The following GLT8D1 variants were observed in gnomAD, a reference collection of about 807,000 sequenced individuals.
GLT8D1 encodes glycosyltransferase 8 domain containing 1.
GLT8D1 carries 41 observed loss-of-function variants against 46.2 expected under a neutral mutation model. The ratio of observed to expected loss-of-function variants is 0.89; its 90% confidence interval spans 0.69 to 1.15. The LOEUF is 1.15. GLT8D1 is among the 50% of genes most tolerant of loss of function. The probability of loss-of-function intolerance (pLI) is 0.00; values close to 1 mark genes in which losing one functional copy is unlikely to be tolerated. For missense variants in GLT8D1, 408 were observed against 449.3 expected, an observed-to-expected ratio of 0.91 and a Z score of 0.83; for synonymous variants, 150 against 154.2, an observed-to-expected ratio of 0.97 and a Z score of 0.20.
In GLT8D1 at chr3:52,695,915, G is replaced by C. The variant is rs750128092; in HGVS notation, c.645+13C>G. The C allele has an allele frequency of 1.4e-6, 2 of 1,449,412 alleles. No homozygotes were observed. The highest frequency in any genetic ancestry group is 3.4e-5 in the Admixed American group (2 of 59,598). The allele number at this position is 1,449,412 out of a possible 1,614,324, so 89.8% of individuals were successfully genotyped here. ...AATATTGTAGGAAGAGGGGTGTTTG[G>C]TAAGCAATTTACCTGGTTTCCTGCT... On this transcript the variant is annotated intron_variant, in intron 7 of 9. Transcript: ENST00000266014.
At position 52,695,071 on chromosome 3, in the gene GLT8D1, C is replaced by T. The variant is rs183844463; in HGVS notation, c.926-36G>A. On this transcript the variant is annotated intron_variant, in intron 9 of 9. Transcript: ENST00000266014. ...AGACAAAAATAGCCACATCGTTGCG[C>T]CATGTGAAATTGTGCAGAAAACTTA... is the stretch of plus-strand genomic sequence containing the variant. 998 of 1,532,718 alleles carry T rather than the reference C, an allele frequency of 6.5e-4. 1 individual carries two copies. Among genetic ancestry groups the T allele is most frequent in the Non-Finnish European group, 7.8e-4 (859 of 1,106,046 alleles). 94.9% of individuals were successfully genotyped at this position (1,532,718 alleles called of 1,614,324 possible).
chr3:52,695,634 A>AGAT (rs775684824), intron 7 of GLT8D1, 47 bp from the exon 8 acceptor site: 5 of 1,136,548 alleles, frequency 4.4e-6, no homozygotes, highest in African/African-American at 1.5e-5. Flanking sequence ...CAAACAAAAT[A>AGAT]GATACAATTT....
At chr3:52,695,069 C>A (rs556660951) in intron 9 of GLT8D1, 34 bp from the exon 10 acceptor site, 47 of 1,531,274 alleles carry the variant, frequency 3.1e-5, no homozygotes, top group Non-Finnish European at 1.4e-5. Flanking sequence ...CACATCGTTG[C>A]GCCATGTGAA....
Position 52,694,869 on chromosome 3 carries a change from A to ATATC in GLT8D1, c.1088_1091dup (p.Tyr364Ter), listed in dbSNP as rs1236941913. ...TTCACTTTATGTTTGAGATCTCGGT[A>ATATC]TATCTTCGGATTAGGTTGAATTTGC... On this transcript the variant is annotated stop_gained and frameshift_variant, in exon 10 of 10. Coordinates refer to ENST00000266014, the MANE Select transcript of GLT8D1 (RefSeq NM_018446.4). LOFTEE classifies it high-confidence loss of function. 1 of 1,611,344 alleles carries ATATC rather than the reference A, an allele frequency of 6.2e-7. No homozygotes were observed. Among genetic ancestry groups the ATATC allele is most frequent in the Non-Finnish European group, 8.5e-7 (1 of 1,177,448 alleles).
intron 4 of GLT8D1, 70 bp from the exon 5 acceptor site, chr3:52,696,729 A>G (rs997929426): frequency 2.3e-6 from 2 of 876,704 alleles, no homozygotes; most frequent in Non-Finnish European, 3.8e-6. Flanking sequence ...ATAATGCAAA[A>G]GAAACCCTAT....
At chr3:52,700,700 A>ATT (rs2097338616) in intron 1 of GLT8D1, 1 of 436,716 alleles carries the variant, frequency 2.3e-6, no homozygotes, top group Non-Finnish European at 4.1e-6. Context: ...TAAAAAACTT[A>ATT]AAAATAAGTT....
In GLT8D1 at chr3:52,697,755, T is replaced by C. The variant is rs866253875; in HGVS notation, c.295A>G (p.Ile99Val). 3.7e-6 allele frequency: 6 copies of C among 1,613,322 alleles called. No individual in the cohort carries two copies. The highest frequency in any genetic ancestry group is 1.3e-5 in the African/African-American group (1 of 74,916). ...TCTGCTGTATTGTTGAGAGTAACAATGTAGAAAATCACATTGGAGCGAGTG... is the reference window on the plus strand; with the variant it reads ...TCTGCTGTATTGTTGAGAGTAACAACGTAGAAAATCACATTGGAGCGAGTG... ...HNTRSNVIFY[I>V]VTLNNTADHL... is the part of the protein sequence containing the mutation. Residue 99 changes from isoleucine to valine, a missense_variant, in exon 4 of 10, where the codon ATT (isoleucine) becomes GTT (valine). Ile to Val is a conservative substitution (Grantham distance 29). Coordinates refer to ENST00000266014, the MANE Select transcript of GLT8D1 (RefSeq NM_018446.4).
At position 52,695,409 on chromosome 3, in the gene GLT8D1, T is replaced by C. The variant is rs2097332168; in HGVS notation, c.812+12A>G. The stretch of plus-strand genomic sequence containing the variant: ...CAACAGTTTTTCACAGCTAGGCCAG[T>C]TACATACTTACTCTACATTGAGTTT... On this transcript the variant is annotated intron_variant, in intron 8 of 9. Coordinates refer to ENST00000266014, the MANE Select transcript of GLT8D1 (RefSeq NM_018446.4). The C allele has an allele frequency of 5.0e-6, 8 of 1,611,274 alleles. No homozygotes were observed. In the East Asian group the frequency reaches 1.8e-4, roughly 36 times the overall value.
In GLT8D1 at chr3:52,696,541, C is replaced by G. The variant is rs1160715726; in HGVS notation, c.447+1G>C. ...TGCAAAGAAGGATGCATGGAACTCA[C>G]AGGTTTCATGGATTCCCCCTGGTCA... On this transcript the variant is annotated splice_donor_variant, in intron 5 of 9. Transcript: ENST00000266014. LOFTEE classifies it high-confidence loss of function. 6.8e-7 allele frequency: 1 copy of G among 1,474,322 alleles called. No individual in the cohort carries two copies. Among genetic ancestry groups the G allele is most frequent in the Non-Finnish European group, 9.5e-7 (1 of 1,052,778 alleles). 91.3% of individuals were successfully genotyped at this position (1,474,322 alleles called of 1,614,324 possible). A position where few individuals can be genotyped will look rare whatever the true frequency, so the allele number is the denominator to read the frequency against.
intron 7 of GLT8D1, 117 bp downstream of exon 7, chr3:52,695,811 G>T: frequency 1.5e-6 from 1 of 683,182 alleles, no homozygotes; most frequent in Non-Finnish European, 2.6e-6. Context: ...AAGCAGGCTT[G>T]AGTTTTGGGA....
At chr3:52,700,139 C>A in intron 3 of GLT8D1, 123 bp downstream of exon 3, 1 of 634,384 alleles carries the variant, frequency 1.6e-6, no homozygotes, top group Non-Finnish European at 2.8e-6. Flanking sequence ...AATATTCTGT[C>A]AGATCAAACC....
intron 1 of GLT8D1, among the ~76,000 whole-genome samples, chr3:52,704,540 CAAGA>C (rs1380508324): frequency 6.6e-6 from 1 of 150,616 alleles, no homozygotes; most frequent in Non-Finnish European, 1.5e-5. Context: ...TCAAACACAC[CAAGA>C]AATACAGAGC....
chr3:52,700,676 G>T, intron 1 of GLT8D1, 180 bp from the exon 2 acceptor site: 1 of 466,556 alleles, frequency 2.1e-6, no homozygotes, highest in Non-Finnish European at 3.8e-6. Context: ...TGAAATTTTT[G>T]TGGTACTCAT....
chr3:52,695,073 A>G (rs1285985408), intron 9 of GLT8D1, 38 bp from the exon 10 acceptor site: 3 of 1,528,118 alleles, frequency 2.0e-6, no homozygotes, highest in East Asian at 2.2e-5. Flanking sequence ...TCGTTGCGCC[A>G]TGTGAAATTG....
chr3:52,695,355 T>G, intron 8 of GLT8D1, 53 bp from the exon 9 acceptor site: 1 of 1,551,250 alleles, frequency 6.4e-7, no homozygotes, highest in South Asian at 1.1e-5. Context: ...GACTAACTCC[T>G]GTTAGTCAAG....
intron 1 of GLT8D1, among the ~76,000 whole-genome samples, chr3:52,701,671 A>G (rs989765704): frequency 2.0e-5 from 3 of 152,124 alleles, no homozygotes; most frequent in African/African-American, 7.2e-5. Flanking sequence ...CCGGCCAAAA[A>G]AACATTTAAG....
rs2097332200 is a variant in GLT8D1 at position 52,695,420 on chromosome 3, C to CG, written c.812_812+1insC (p.Glu271AspfsTer6). The CG allele has an allele frequency of 4.3e-6, 7 of 1,612,770 alleles. No individual in the cohort carries two copies. The African/African-American group carries it at 9.3e-5, about 22-fold the overall frequency. ...CACAGCTAGGCCAGTTACATACTTA[C>CG]TCTACATTGAGTTTCATCCATTTTT... On this transcript the variant is annotated frameshift_variant and splice_region_variant. Transcript: ENST00000266014. LOFTEE classifies it high-confidence loss of function.
rs529021828 is a variant in GLT8D1 at position 52,694,711 on chromosome 3, A to G, written c.*134T>C. 2 of 711,528 alleles carry G rather than the reference A, an allele frequency of 2.8e-6. No homozygotes were observed. The highest frequency in any genetic ancestry group is 1.7e-5 in the African/African-American group (1 of 57,392). The allele number at this position is 711,528 out of a possible 1,614,324, so 44.1% of individuals were successfully genotyped here. ...TGACTGCCAGACAGGGCAGTTTGTC[A>G]TCTTTACCTAGCTGACACATCTTTT... On this transcript the variant is annotated 3_prime_UTR_variant, in exon 10 of 10. Coordinates refer to ENST00000266014, the MANE Select transcript of GLT8D1 (RefSeq NM_018446.4).
rs1248730821 is a variant in GLT8D1, at chr3:52,694,515, G to C, written c.*330C>G. The C allele has an allele frequency of 1.0e-5, 6 of 580,494 alleles. No homozygotes were observed. 36.0% of individuals were successfully genotyped at this position (580,494 alleles called of 1,614,324 possible). A position where few individuals can be genotyped will look rare whatever the true frequency, so the allele number is the denominator to read the frequency against. ...TTGAAAAATGTAAGTTTTATTTACA[G>C]ATCAGGCCACAGGTTACAAAATTAA... is the stretch of plus-strand genomic sequence containing the variant. On this transcript the variant is annotated 3_prime_UTR_variant, in exon 10 of 10. Transcript: ENST00000266014.
Sources: gnomAD v4.1 joint callset for allele counts (sites outside exome capture counted in the v4.1 genomes callset) on GRCh38, gnomAD v4.1.1 for gene constraint, MANE v1.5 for transcripts, NCBI Gene and HGNC (gene_info 2026-07-23, HGNC 2026-07-21) for gene names.